Variants in ERICH3 observed in about 807,000 individuals in gnomAD.
ERICH3 encodes the protein glutamate rich 3, also known as glutamate-rich protein 3.
A neutral mutation model predicts 131.1 loss-of-function variants in ERICH3; 126 were observed. The observed-to-expected ratio is 0.96, with a 90% CI of 0.83 to 1.11. ERICH3 has a LOEUF of 1.11. Among genes scored for constraint, ERICH3 ranks in the 50% most tolerant of loss-of-function variants. ERICH3 has a pLI of 0.00. For missense variants in ERICH3, 2,050 were observed against 1,810.7 expected (o/e 1.13, Z -2.40); for synonymous variants, 695 against 644.6 (o/e 1.08, Z -1.18).
rs535464778 is a variant in ERICH3 at position 74,655,480 on chromosome 1, C to A, written c.24-6165G>T. Among the ~76,000 whole-genome samples the A allele has an allele frequency of 6.6e-5, 10 of 152,290 alleles. No homozygotes were observed. The East Asian group carries it at 1.5e-3, about 24-fold the overall frequency. ...CCTGGGCCCTTTCCATTGCCAAATG[C>A]AGCCATGGCTGGTCAACTATTTCTC... On this transcript the variant is annotated intron_variant, in intron 1 of 14. Coordinates refer to ENST00000326665, the MANE Select transcript of ERICH3 (RefSeq NM_001002912.5).
chr1:74,671,753 T>C (rs1473983800), intron 1 of ERICH3, among the ~76,000 whole-genome samples: 2 of 152,178 alleles, frequency 1.3e-5, no homozygotes, highest in Non-Finnish European at 2.9e-5. Context: ...CTAACACAAT[T>C]TTCATTTCCG....
intron 7 of ERICH3, among the ~76,000 whole-genome samples, chr1:74,630,912 T>A (rs1438237521): frequency 1.3e-5 from 2 of 151,660 alleles, no homozygotes; most frequent in Non-Finnish European, 2.9e-5. Context: ...AAAAGGAAAT[T>A]CAAGCAAGCA....
In ERICH3 at chr1:74,630,136, G is replaced by T. The variant is rs115199055; in HGVS notation, c.819+1577C>A. ...ATCCCAGTAATACATTTTAACATCC[G>T]AAAATCAAATCCTGCCCCCCAAGTG... On this transcript the variant is annotated intron_variant, in intron 7 of 14. Transcript: ENST00000326665. Among the ~76,000 whole-genome samples, 673 of 152,202 alleles carry T rather than the reference G, an allele frequency of 4.4e-3. 5 individuals carry two copies. Among genetic ancestry groups the T allele is most frequent in the Non-Finnish European group, 7.9e-3 (539 of 68,006 alleles).
rs149319338 is a variant in ERICH3, at chr1:74,654,233, C to T, written c.24-4918G>A. On this transcript the variant is annotated intron_variant, in intron 1 of 14. Coordinates refer to ENST00000326665, the MANE Select transcript of ERICH3 (RefSeq NM_001002912.5). ...GGCAATCTAGGCTTTTTCTAGCATG[C>T]ACCTCAGAGCTCTTCCAGCCTCCAC... 3.0e-4 allele frequency among the ~76,000 whole-genome samples: 45 copies of T among 152,174 alleles called. 1 individual carries two copies. The East Asian group carries it at 8.3e-3, about 28-fold the overall frequency.
At chr1:74,636,183 G>T in intron 6 of ERICH3, 97 bp downstream of exon 6, 2 of 1,011,264 alleles carry the variant, frequency 2.0e-6, no homozygotes, top group Non-Finnish European at 2.8e-6. Context: ...TTTTCACTGT[G>T]TAGATTTTAA....
At chr1:74,647,521 TC>T (rs1187658352) in intron 2 of ERICH3, among the ~76,000 whole-genome samples, 2 of 152,146 alleles carry the variant, frequency 1.3e-5, no homozygotes, top group African/African-American at 2.4e-5. Context: ...TCAACTGGCA[TC>T]ATTGCAAGTC....
chr1:74,628,647 A>T (rs950501715), intron 7 of ERICH3, among the ~76,000 whole-genome samples: 4 of 151,862 alleles, frequency 2.6e-5, no homozygotes, highest in African/African-American at 4.8e-5. Flanking sequence ...CAGAGAAATG[A>T]CACCCCTTCC....
chr1:74,630,842 G>A (rs771243033), intron 7 of ERICH3, among the ~76,000 whole-genome samples: 4 of 151,954 alleles, frequency 2.6e-5, no homozygotes, highest in Non-Finnish European at 4.4e-5. Context: ...GGGGATGAGA[G>A]AGAAAACATC....
chr1:74,645,373 G>T (rs185542581), intron 3 of ERICH3, among the ~76,000 whole-genome samples: 1 of 151,626 alleles, frequency 6.6e-6, no homozygotes, highest in Non-Finnish European at 1.5e-5. Context: ...ACAATTTAAA[G>T]ATAAATATTG....
At chr1:74,576,609 T>C (rs1273935569) in intron 13 of ERICH3, among the ~76,000 whole-genome samples, 1 of 152,186 alleles carries the variant, frequency 6.6e-6, no homozygotes, top group East Asian at 1.9e-4. Flanking sequence ...AAACTGTGGC[T>C]GGCTAAGTTG....
chr1:74,616,217 G>A (rs1366557855), intron 8 of ERICH3, among the ~76,000 whole-genome samples: 3 of 151,688 alleles, frequency 2.0e-5, no homozygotes, highest in East Asian at 3.9e-4. Context: ...ACGGGGTTTC[G>A]CCTTGCTGGC....
intron 4 of ERICH3, among the ~76,000 whole-genome samples, chr1:74,642,317 A>G (rs543696110): frequency 5.9e-5 from 9 of 152,294 alleles, no homozygotes; most frequent in Middle Eastern, 3.4e-3. Context: ...ACAAATATTC[A>G]TCAGTTTGTG....
intron 12 of ERICH3, 165 bp downstream of exon 12, chr1:74,589,466 T>C: frequency 1.4e-6 from 1 of 696,190 alleles, no homozygotes; most frequent in Non-Finnish European, 2.5e-6. Context: ...AACAGCAAAC[T>C]GAAAATACAT....
chr1:74,632,715 C>G (rs1218216411), intron 6 of ERICH3, among the ~76,000 whole-genome samples: 1 of 151,758 alleles, frequency 6.6e-6, no homozygotes, highest in Non-Finnish European at 1.5e-5. Context: ...TATATTTATC[C>G]TGAAATAAAA....
intron 13 of ERICH3, 135 bp downstream of exon 13, chr1:74,576,760 A>C (rs1647063048): frequency 5.4e-6 from 4 of 746,822 alleles, no homozygotes; most frequent in Non-Finnish European, 8.7e-6. Context: ...TATTCAAATA[A>C]GCACACTTCT....
intron 6 of ERICH3, among the ~76,000 whole-genome samples, chr1:74,632,526 A>T (rs1177166135): frequency 6.6e-6 from 1 of 151,930 alleles, no homozygotes; most frequent in Admixed American, 6.6e-5. Context: ...ATACAAGTTC[A>T]CTAATATAAA....
intron 1 of ERICH3, among the ~76,000 whole-genome samples, chr1:74,670,655 T>C (rs940960014): frequency 2.0e-5 from 3 of 152,202 alleles, no homozygotes; most frequent in Admixed American, 2.0e-4. Context: ...TTGTTAACTA[T>C]ACAAATTGAT....
intron 1 of ERICH3, among the ~76,000 whole-genome samples, chr1:74,653,810 T>A (rs1646559225): frequency 6.6e-6 from 1 of 151,964 alleles, no homozygotes. Flanking sequence ...TACCCTCATC[T>A]CTCCCTGTAC....
chr1:74,583,459 G>T (rs536280635), intron 12 of ERICH3, among the ~76,000 whole-genome samples: 1 of 151,910 alleles, frequency 6.6e-6, no homozygotes, highest in African/African-American at 2.4e-5. Flanking sequence ...TACAATAAAA[G>T]GTATGTTGAT....
Sources: gnomAD v4.1 joint callset for allele counts (sites outside exome capture counted in the v4.1 genomes callset) on GRCh38, gnomAD v4.1.1 for gene constraint, MANE v1.5 for transcripts, NCBI Gene and HGNC (gene_info 2026-07-23, HGNC 2026-07-21) for gene names.